The following CSMD1 variants were observed in gnomAD, a reference collection of about 807,000 sequenced individuals.
The protein encoded by CSMD1 is CUB and Sushi multiple domains 1.
CSMD1 carries 213 observed loss-of-function variants against 417.5 expected under a neutral mutation model. The observed-to-expected ratio is 0.51, with a 90% CI of 0.46 to 0.57. The LOEUF is 0.57. Ranked by LOEUF, CSMD1 falls within the 20% of genes least tolerant of loss-of-function variation. The probability of loss-of-function intolerance (pLI) is 0.00; values close to 1 mark genes in which losing one functional copy is unlikely to be tolerated. For synonymous variants in CSMD1, 2,862 were observed against 1,736.8 expected (o/e 1.65, Z -16.11); for missense variants, 6,923 against 4,529.7 (o/e 1.53, Z -15.17).
At chr8:4,476,439 T>C (rs1585138763) in intron 2 of CSMD1, among the ~76,000 whole-genome samples, 1 of 152,234 alleles carries the variant, frequency 6.6e-6, no homozygotes, top group African/African-American at 2.4e-5. Context: ...TGTAGTCATA[T>C]ATACATATGG....
At chr8:3,078,169 A>G (rs901198751) in intron 49 of CSMD1, among the ~76,000 whole-genome samples, 2 of 152,212 alleles carry the variant, frequency 1.3e-5, no homozygotes, top group Non-Finnish European at 2.9e-5. Flanking sequence ...TTTATAAAAT[A>G]TTATTACTTT....
intron 5 of CSMD1, among the ~76,000 whole-genome samples, chr8:3,866,168 A>G (rs978533103): frequency 3.9e-5 from 6 of 152,230 alleles, no homozygotes; most frequent in Non-Finnish European, 8.8e-5. Context: ...GTTTTAATTC[A>G]CAACTACATA....
At chr8:4,412,369 C>A (rs982718017) in intron 3 of CSMD1, among the ~76,000 whole-genome samples, 2 of 152,140 alleles carry the variant, frequency 1.3e-5, no homozygotes, top group Non-Finnish European at 2.9e-5. Flanking sequence ...TCTCACTCCT[C>A]CCCTTGCTTC....
intron 2 of CSMD1, among the ~76,000 whole-genome samples, chr8:4,446,611 C>A (rs1360036100): frequency 1.3e-5 from 2 of 152,092 alleles, no homozygotes; most frequent in African/African-American, 4.8e-5. Context: ...TGCAGTGCAG[C>A]AGCGCGATCT....
chr8:3,769,902 T>G (rs1045109007), intron 5 of CSMD1, among the ~76,000 whole-genome samples: 1 of 152,224 alleles, frequency 6.6e-6, no homozygotes, highest in African/African-American at 2.4e-5. Context: ...TCAGGACTTT[T>G]GAGAAATGCC....
chr8:4,179,808 C>G (rs1414100419), intron 3 of CSMD1, among the ~76,000 whole-genome samples: 1 of 152,026 alleles, frequency 6.6e-6, no homozygotes, highest in East Asian at 1.9e-4. Flanking sequence ...ATTTATGCAG[C>G]CAAAAGACAC....
At chr8:3,913,853 C>CTG (rs947622173) in intron 5 of CSMD1, among the ~76,000 whole-genome samples, 2 of 151,706 alleles carry the variant, frequency 1.3e-5, no homozygotes, top group Admixed American at 6.6e-5. Context: ...CTTGACTTTC[C>CTG]TGTGTGTGTA....
At chr8:4,254,658 A>T (rs2128834286) in intron 3 of CSMD1, among the ~76,000 whole-genome samples, 1 of 152,324 alleles carries the variant, frequency 6.6e-6, no homozygotes, top group South Asian at 2.1e-4. Flanking sequence ...ACTGCCGTAG[A>T]CAGGTGTACC....
intron 2 of CSMD1, among the ~76,000 whole-genome samples, chr8:4,489,279 G>C (rs1049454576): frequency 1.2e-4 from 19 of 152,188 alleles, no homozygotes; most frequent in African/African-American, 4.3e-4. Flanking sequence ...GCAAGGAGCT[G>C]CAGAAAGTTC....
rs370267652 is a variant in CSMD1 at position 3,290,184 on chromosome 8, C to A, written c.3951-5838G>T. On this transcript the variant is annotated intron_variant, in intron 25 of 69. Transcript: ENST00000635120. ...GGGCTCTGTTCTGTTCCATTGGTCTCTATCTCTGTTTTGGTACCAGTACCA... is the reference window on the plus strand; with the variant it reads ...GGGCTCTGTTCTGTTCCATTGGTCTATATCTCTGTTTTGGTACCAGTACCA... Among the ~76,000 whole-genome samples, 52 of 147,090 alleles carry A rather than the reference C, an allele frequency of 3.5e-4. 10 individuals are homozygous for A. The highest frequency in any genetic ancestry group is 9.2e-4 in the African/African-American group (34 of 36,988).
chr8:4,557,798 G>C (rs568216458), intron 2 of CSMD1, among the ~76,000 whole-genome samples: 1 of 152,294 alleles, frequency 6.6e-6, no homozygotes, highest in Admixed American at 6.5e-5. Flanking sequence ...CCACGTTCAG[G>C]TTAGATTTCT....
chr8:3,960,761 A>G (rs955330918), intron 5 of CSMD1, among the ~76,000 whole-genome samples: 1 of 151,924 alleles, frequency 6.6e-6, no homozygotes, highest in Non-Finnish European at 1.5e-5. Flanking sequence ...TTTAAAATCA[A>G]GAAGTGATAA....
At chr8:3,237,414 A>G (rs1799216613) in intron 26 of CSMD1, among the ~76,000 whole-genome samples, 1 of 151,604 alleles carries the variant, frequency 6.6e-6, no homozygotes, top group African/African-American at 2.4e-5. Context: ...CTGAGATGGC[A>G]CCATTGTACT....
At chr8:4,146,035 G>A (rs766766113) in intron 3 of CSMD1, among the ~76,000 whole-genome samples, 2 of 150,794 alleles carry the variant, frequency 1.3e-5, no homozygotes, top group Non-Finnish European at 2.9e-5. Flanking sequence ...CTGTTGGGGA[G>A]TGAACACTTA....
chr8:2,986,473 A>G (rs1461242438), intron 54 of CSMD1, among the ~76,000 whole-genome samples: 2 of 152,110 alleles, frequency 1.3e-5, no homozygotes, highest in African/African-American at 4.8e-5. Flanking sequence ...TCTAAGGCCT[A>G]CACAGATATT....
intron 7 of CSMD1, among the ~76,000 whole-genome samples, chr8:3,649,391 A>T (rs1797732442): frequency 6.6e-6 from 1 of 152,216 alleles, no homozygotes; most frequent in African/African-American, 2.4e-5. Context: ...CATCTGTATT[A>T]GTTCGTTTTC....
intron 2 of CSMD1, among the ~76,000 whole-genome samples, chr8:4,558,778 G>A (rs1798204000): frequency 6.6e-6 from 1 of 152,192 alleles, no homozygotes; most frequent in Non-Finnish European, 1.5e-5. Flanking sequence ...TGAGGCAGGA[G>A]AATTGCTTGA....
chr8:4,517,112 G>A (rs1359961349), intron 2 of CSMD1, among the ~76,000 whole-genome samples: 3 of 152,116 alleles, frequency 2.0e-5, no homozygotes, highest in African/African-American at 7.2e-5. Context: ...TCCTGTAGAA[G>A]ACTGCTTAAA....
chr8:3,671,830 T>C (rs950661549), intron 7 of CSMD1, among the ~76,000 whole-genome samples: 3 of 151,954 alleles, frequency 2.0e-5, no homozygotes, highest in Non-Finnish European at 4.4e-5. Context: ...TCTTGAGCAA[T>C]GACTTGAAAG....
Sources: gnomAD v4.1 joint callset for allele counts (sites outside exome capture counted in the v4.1 genomes callset) on GRCh38, gnomAD v4.1.1 for gene constraint, MANE v1.5 for transcripts, NCBI Gene and HGNC (gene_info 2026-07-23, HGNC 2026-07-21) for gene names.